Variants in FER observed in about 807,000 individuals in gnomAD.
The protein encoded by FER is tyrosine-protein kinase Fer.
A neutral mutation model predicts 111.0 loss-of-function variants in FER; 63 were observed. That is an observed-to-expected ratio of 0.57 (90% CI 0.46 to 0.70). The LOEUF (loss-of-function observed/expected upper bound fraction) is 0.70, where lower values mean the gene tolerates loss of function less well. Among genes scored for constraint, FER ranks in the 30% least tolerant of loss-of-function variants. FER has a pLI of 0.00. For missense variants in FER, 914 were observed against 954.0 expected (o/e 0.96, Z 0.55); for synonymous variants, 327 against 313.9 (o/e 1.04, Z -0.44).
intron 17 of FER, among the ~76,000 whole-genome samples, chr5:109,164,128 T>A (rs11749629): frequency 0.4 from 61,296 of 151,876 alleles, 12,664 homozygotes; most frequent in African/African-American, 0.45. Flanking sequence ...TTTCTCAGAG[T>A]CACATTTGCT....
At position 109,031,185 on chromosome 5, in the gene FER, A is replaced by G. The variant is rs186037599; in HGVS notation, c.1657-6237A>G. Reference sequence around the variant, plus strand: ...AATAGGCCTAACTGAGCCGCCTTCTATGGCTATGTTGGGAGTCAAACTGCC... The same window carrying G: ...AATAGGCCTAACTGAGCCGCCTTCTGTGGCTATGTTGGGAGTCAAACTGCC... On this transcript the variant is annotated intron_variant, in intron 13 of 19. Coordinates refer to ENST00000281092, the MANE Select transcript of FER (RefSeq NM_005246.4). Among the ~76,000 whole-genome samples, 302 of 152,232 alleles carry G rather than the reference A, an allele frequency of 2.0e-3. 2 individuals carry two copies. The highest frequency in any genetic ancestry group is 7.0e-3 in the African/African-American group (292 of 41,544).
intron 16 of FER, chr5:109,052,041 A>G: frequency 6.3e-7 from 1 of 1,598,436 alleles, no homozygotes; most frequent in African/African-American, 1.3e-5. Flanking sequence ...CATGCTCTTC[A>G]ATACCATACT....
At chr5:109,097,811 T>C (rs1222399293) in intron 16 of FER, among the ~76,000 whole-genome samples, 1 of 151,808 alleles carries the variant, frequency 6.6e-6, no homozygotes, top group Non-Finnish European at 1.5e-5. Flanking sequence ...TCTTAATACT[T>C]GTACTTGCGG....
chr5:108,812,874 GTTA>G (rs759145355), intron 3 of FER, among the ~76,000 whole-genome samples: 15 of 151,812 alleles, frequency 9.9e-5, no homozygotes, highest in African/African-American at 3.1e-4. Context: ...TGTTCTTTGT[GTTA>G]TTATTGTTAC....
chr5:108,976,065 A>G (rs956494333), intron 13 of FER, among the ~76,000 whole-genome samples: 2 of 152,224 alleles, frequency 1.3e-5, no homozygotes, highest in African/African-American at 4.8e-5. Context: ...ACCAATATGT[A>G]GAGAAAATAC....
intron 16 of FER, among the ~76,000 whole-genome samples, chr5:109,096,690 C>T (rs1257261971): frequency 1.3e-5 from 2 of 151,756 alleles, no homozygotes; most frequent in African/African-American, 4.8e-5. Context: ...ATTCCTGAAC[C>T]AATCACTTGG....
chr5:108,881,750 G>A (rs1038527621), intron 8 of FER, among the ~76,000 whole-genome samples: 5 of 152,004 alleles, frequency 3.3e-5, no homozygotes, highest in East Asian at 3.9e-4. Flanking sequence ...GAGAGGAGAG[G>A]TAGTGGGTTC....
intron 11 of FER, among the ~76,000 whole-genome samples, chr5:108,948,922 A>G (rs1382976050): frequency 6.6e-6 from 1 of 152,138 alleles, no homozygotes; most frequent in Non-Finnish European, 1.5e-5. Context: ...TATAGATAAC[A>G]GAAGAATTAT....
intron 12 of FER, among the ~76,000 whole-genome samples, chr5:108,958,500 C>G (rs1480957172): frequency 6.6e-6 from 1 of 151,598 alleles, no homozygotes; most frequent in African/African-American, 2.4e-5. Flanking sequence ...TACTCATAGG[C>G]CAATTTGAAA....
At chr5:109,092,759 A>G (rs1350498727) in intron 16 of FER, among the ~76,000 whole-genome samples, 1 of 152,222 alleles carries the variant, frequency 6.6e-6, no homozygotes, top group Non-Finnish European at 1.5e-5. Context: ...ATTTCTGGAT[A>G]TATATTCAAA....
At chr5:109,052,483 T>A in intron 16 of FER, 1 of 1,018,680 alleles carries the variant, frequency 9.8e-7, no homozygotes, top group Non-Finnish European at 1.5e-6. Flanking sequence ...CTCTTTTGCT[T>A]AAAAGAAGTG....
chr5:109,129,074 T>G (rs1471924322), intron 17 of FER, among the ~76,000 whole-genome samples: 1 of 152,016 alleles, frequency 6.6e-6, no homozygotes, highest in Non-Finnish European at 1.5e-5. Context: ...AAAATGATAT[T>G]TTAAATCAGT....
chr5:108,865,284 ATCAT>A (rs1763928690), intron 5 of FER, among the ~76,000 whole-genome samples: 1 of 152,184 alleles, frequency 6.6e-6, no homozygotes, highest in African/African-American at 2.4e-5. Flanking sequence ...TAAATAAACA[ATCAT>A]GTCATCTGCA....
chr5:109,009,455 C>T (rs556803414), intron 13 of FER, among the ~76,000 whole-genome samples: 1 of 152,296 alleles, frequency 6.6e-6, no homozygotes, highest in South Asian at 2.1e-4. Context: ...AAAGCCTCTA[C>T]CCCTGACCAC....
Position 108,782,383 on chromosome 5 carries a change from T to C in FER, c.-60+14145T>C, listed in dbSNP as rs370076838. On this transcript the variant is annotated intron_variant, in intron 2 of 19. Coordinates refer to ENST00000281092, the MANE Select transcript of FER (RefSeq NM_005246.4). ...GATCCTCCCCCTTCAACCTCCTGCA[T>C]AGACCACGTTTCTTACATGCCCAGT... Among the ~76,000 whole-genome samples the C allele has an allele frequency of 3.3e-5, 5 of 152,170 alleles. No homozygotes were observed. The East Asian group carries it at 7.7e-4, about 24-fold the overall frequency.
At chr5:109,017,224 G>A (rs1236891026) in intron 13 of FER, among the ~76,000 whole-genome samples, 1 of 151,910 alleles carries the variant, frequency 6.6e-6, no homozygotes, top group African/African-American at 2.4e-5. Flanking sequence ...CAGGGCTAAT[G>A]AGGGGCTAGG....
intron 18 of FER, among the ~76,000 whole-genome samples, chr5:109,181,697 T>G (rs548850497): frequency 1.3e-5 from 2 of 152,334 alleles, no homozygotes; most frequent in African/African-American, 4.8e-5. Context: ...GTAAAGCATT[T>G]ATAAATGCCT....
At chr5:108,819,642 C>T (rs1014960239) in intron 3 of FER, among the ~76,000 whole-genome samples, 11 of 152,138 alleles carry the variant, frequency 7.2e-5, no homozygotes, top group Non-Finnish European at 1.2e-4. Context: ...AGGCAGAGAG[C>T]GTCTCTCTCA....
chr5:108,889,724 C>T lies in FER; in HGVS notation c.1046+6206C>T, dbSNP rs116546637. On this transcript the variant is annotated intron_variant, in intron 9 of 19. Coordinates refer to ENST00000281092, the MANE Select transcript of FER (RefSeq NM_005246.4). Reference sequence around the variant, plus strand: ...TTGAGGTGATGGATACCCCGTTTACCGTGATGTGAGTATAACACATCACAT... The same window carrying T: ...TTGAGGTGATGGATACCCCGTTTACTGTGATGTGAGTATAACACATCACAT... Among the ~76,000 whole-genome samples the T allele has an allele frequency of 2.9e-3, 445 of 151,860 alleles. 1 individual carries two copies. Among genetic ancestry groups the T allele is most frequent in the African/African-American group, 0.01 (420 of 41,418 alleles).
Sources: gnomAD v4.1 joint callset for allele counts (sites outside exome capture counted in the v4.1 genomes callset) on GRCh38, gnomAD v4.1.1 for gene constraint, MANE v1.5 for transcripts, NCBI Gene and HGNC (gene_info 2026-07-23, HGNC 2026-07-21) for gene names.